LOXHD1: variants seen among roughly 807,000 people sequenced by gnomAD.
LOXHD1 encodes lipoxygenase homology domain-containing protein 1.
In LOXHD1, 205 loss-of-function variants were observed where a neutral mutation model predicts 248.2. The ratio of observed to expected loss-of-function variants is 0.83; its 90% CI spans 0.74 to 0.93. The LOEUF (loss-of-function observed/expected upper bound fraction) is 0.93, where lower values mean the gene tolerates loss of function less well. Ranked by LOEUF, LOXHD1 falls within the 40% of genes least tolerant of loss-of-function variation. LOXHD1 has a pLI of 0.00. For synonymous variants in LOXHD1, 1,113 were observed against 1,162.8 expected, an observed-to-expected ratio of 0.96 and a Z score of 0.87; for missense variants, 2,930 against 2,971.6, an observed-to-expected ratio of 0.99 and a Z score of 0.33.
intron 12 of LOXHD1, among the ~76,000 whole-genome samples, chr18:46,586,047 A>T (rs555515238): frequency 1.3e-5 from 2 of 152,348 alleles, no homozygotes; most frequent in Admixed American, 1.3e-4. Flanking sequence ...CATCGATACA[A>T]TGGACTATAT....
intron 8 of LOXHD1, among the ~76,000 whole-genome samples, chr18:46,595,989 T>C (rs1231196136): frequency 6.6e-6 from 1 of 152,168 alleles, no homozygotes; most frequent in African/African-American, 2.4e-5. Context: ...CTTAAAAATT[T>C]ATGATAAAAG....
rs1416280242 is a variant in LOXHD1 at position 46,560,206 on chromosome 18, C to T, written c.2938G>A (p.Gly980Arg). ...MEEEEEEEEF[G>R]PGMQEVIEQH... The stretch of plus-strand genomic sequence containing the variant: ...TCAATCACCTCCTGCATCCCCGGCC[C>T]AAACTCCTCCTCTTCCTCCTCTTCT... Residue 980 changes from glycine (G) to arginine (R), a missense_variant, in exon 19 of 41, where the codon GGG becomes AGG. Transcript: ENST00000642948. 1.9e-6 allele frequency: 3 copies of T among 1,551,906 alleles called. No individual in the cohort carries two copies. Among genetic ancestry groups the T allele is most frequent in the Non-Finnish European group, 2.6e-6 (3 of 1,147,056 alleles).
At position 46,477,585 on chromosome 18, in the gene LOXHD1, C is replaced by T. The variant is rs1358983450; in HGVS notation, c.6709G>A (p.Val2237Met). 21 of 1,551,778 alleles carry T rather than the reference C, an allele frequency of 1.4e-5. No homozygotes were observed. The South Asian group carries it at 2.0e-4, about 15-fold the overall frequency. The change falls in exon 41 of 41, where the codon GTG becomes ATG. Residue 2237 changes from valine to methionine, a missense_variant. Val to Met is a conservative substitution (Grantham distance 21). Transcript: ENST00000642948. ...GYCSGWLVEK[V>M]EVTNTSTGVA... The stretch of plus-strand genomic sequence containing the variant: ...CCGGTGCTGGTGTTGGTGACCTCCA[C>T]CTTCTCCACCAGCCAGCCTGAGCAG...
chr18:46,570,322 C>CA (rs1568192679), intron 15 of LOXHD1, among the ~76,000 whole-genome samples: 1 of 152,218 alleles, frequency 6.6e-6, no homozygotes, highest in Non-Finnish European at 1.5e-5. Flanking sequence ...GGCAAGACCC[C>CA]AAGTCCTCCA....
intron 16 of LOXHD1, among the ~76,000 whole-genome samples, chr18:46,568,518 C>A (rs2037687710): frequency 6.6e-6 from 1 of 152,198 alleles, no homozygotes; most frequent in South Asian, 2.1e-4. Context: ...CCTTAGAAAA[C>A]TCAAGGCTGT....
At chr18:46,646,896 C>T (rs761660624) in intron 2 of LOXHD1, among the ~76,000 whole-genome samples, 1 of 152,226 alleles carries the variant, frequency 6.6e-6, no homozygotes, top group African/African-American at 2.4e-5. Flanking sequence ...CAGAGCAGAC[C>T]TTCCCCCAGG....
At chr18:46,499,181 G>C (rs1014401061) in intron 37 of LOXHD1, among the ~76,000 whole-genome samples, 3 of 152,212 alleles carry the variant, frequency 2.0e-5, no homozygotes, top group Admixed American at 2.0e-4. Flanking sequence ...TCAGTGTTGT[G>C]AGTGCTAGAT....
At chr18:46,580,608 C>T (rs993344467) in intron 12 of LOXHD1, among the ~76,000 whole-genome samples, 7 of 152,182 alleles carry the variant, frequency 4.6e-5, no homozygotes, top group African/African-American at 1.7e-4. Context: ...ATTAACAGTA[C>T]AGGAATTCTG....
intron 21 of LOXHD1, among the ~76,000 whole-genome samples, chr18:46,549,823 A>G (rs141461285): frequency 1.9e-4 from 29 of 152,370 alleles, no homozygotes; most frequent in African/African-American, 6.7e-4. Context: ...CAGGCCATCA[A>G]TTAAAACATA....
At chr18:46,619,341 TCCCTGG>T (rs1052378353) in intron 4 of LOXHD1, among the ~76,000 whole-genome samples, 1 of 152,218 alleles carries the variant, frequency 6.6e-6, no homozygotes, top group Non-Finnish European at 1.5e-5. Flanking sequence ...CTGAGCCCTG[TCCCTGG>T]CCCTTAGAGG....
At chr18:46,574,854 G>T (rs2144116038) in intron 14 of LOXHD1, among the ~76,000 whole-genome samples, 1 of 152,288 alleles carries the variant, frequency 6.6e-6, no homozygotes, top group Non-Finnish European at 1.5e-5. Context: ...CAGGTGGACG[G>T]CTAGACTTCT....
At chr18:46,518,773 A>G (rs426303) in intron 33 of LOXHD1, 426,137 of 611,914 alleles carry the variant, frequency 0.7, 150,372 homozygotes, top group Non-Finnish European at 0.72. Context: ...CCACCTGTGC[A>G]GCCCCAAGCA....
At chr18:46,531,198 G>A (rs1290371684) in intron 28 of LOXHD1, among the ~76,000 whole-genome samples, 2 of 151,728 alleles carry the variant, frequency 1.3e-5, no homozygotes, top group Non-Finnish European at 2.9e-5. Flanking sequence ...CACCGCCAGG[G>A]GCAGAAACCA....
In LOXHD1 at chr18:46,559,429, C is replaced by T; in HGVS notation, c.3216+19G>A. 1.3e-6 allele frequency: 2 copies of T among 1,552,020 alleles called. No homozygotes were observed. Among genetic ancestry groups the T allele is most frequent in the Non-Finnish European group, 1.7e-6 (2 of 1,147,042 alleles). On this transcript the variant is annotated intron_variant, in intron 20 of 40. Transcript: ENST00000642948. ...CAAACCCACAGCCCCCACCCAGGGG[C>T]CAGAGACCCTCACCCTACCTGCCCC...
chr18:46,554,314 A>G (rs117959963), intron 21 of LOXHD1, among the ~76,000 whole-genome samples: 4,723 of 152,312 alleles, frequency 0.031, 112 homozygotes, highest in Middle Eastern at 0.085. Context: ...TTGACTGGAC[A>G]TGTCAACAGT....
rs1173553469 is a variant in LOXHD1 at position 46,579,780 on chromosome 18, G to A, written c.1659C>T (p.Ala553=). 1.2e-5 allele frequency: 18 copies of A among 1,551,212 alleles called. No individual in the cohort carries two copies. Among genetic ancestry groups the A allele is most frequent in the Non-Finnish European group, 1.6e-5 (18 of 1,146,558 alleles). ...CTGTGCACACAGTCACATGGTACCGGGCCACTGGCAGGCAGAGAGAGGGAC... is the reference window on the plus strand; with the variant it reads ...CTGTGCACACAGTCACATGGTACCGAGCCACTGGCAGGCAGAGAGAGGGAC... ...GPTVRRIMGM[A]RYHVTVCTGE... is the part of the protein sequence containing the mutation. The change falls in exon 13 of 41, where the codon GCC becomes GCT. Residue 553 remains alanine (A), a synonymous_variant. Coordinates refer to ENST00000642948, the MANE Select transcript of LOXHD1 (RefSeq NM_001384474.1).
intron 33 of LOXHD1, chr18:46,520,200 C>T (rs879004369): frequency 2.2e-6 from 1 of 449,766 alleles, no homozygotes; most frequent in Admixed American, 2.4e-5. Context: ...GAGTGGCAGG[C>T]CCCCACACTC....
chr18:46,514,226 G>A (rs1447155678), intron 34 of LOXHD1, among the ~76,000 whole-genome samples: 3 of 152,192 alleles, frequency 2.0e-5, no homozygotes, highest in Non-Finnish European at 4.4e-5. Context: ...CTCTTAAAGG[G>A]CAGCCCTTGA....
chr18:46,553,745 C>T (rs1015000881), intron 21 of LOXHD1, among the ~76,000 whole-genome samples: 1 of 152,004 alleles, frequency 6.6e-6, no homozygotes, highest in African/African-American at 2.4e-5. Context: ...AGATGATAAG[C>T]TGATATAGAG....
Sources: gnomAD v4.1 joint callset for allele counts (sites outside exome capture counted in the v4.1 genomes callset) on GRCh38, gnomAD v4.1.1 for gene constraint, MANE v1.5 for transcripts, NCBI Gene and HGNC (gene_info 2026-07-23, HGNC 2026-07-21) for gene names.